Variants in OTULINL observed in about 807,000 individuals in gnomAD.
The protein encoded by OTULINL is inactive ubiquitin thioesterase OTULINL.
OTULINL carries 42 observed loss-of-function variants against 43.9 expected under a neutral mutation model. That is an observed-to-expected ratio of 0.96 (90% CI 0.75 to 1.24). OTULINL has a LOEUF of 1.24. Among genes scored for constraint, OTULINL ranks in the 50% most tolerant of loss-of-function variants. The pLI, the probability that OTULINL is intolerant of heterozygous loss-of-function variation, is 0.00. For missense variants in OTULINL, 411 were observed against 426.4 expected (o/e 0.96, Z 0.32); for synonymous variants, 172 against 153.6 (o/e 1.12, Z -0.88).
At chr5:14,590,898 GAAAGAGTTTTACATTGT>G (rs1308700578) in intron 1 of OTULINL, among the ~76,000 whole-genome samples, 5 of 152,182 alleles carry the variant, frequency 3.3e-5, no homozygotes, top group Non-Finnish European at 7.3e-5. Flanking sequence ...AAAAGCCATG[GAAAGAGTTTTACATTGT>G]AAAGAGTTTT....
intron 1 of OTULINL, among the ~76,000 whole-genome samples, chr5:14,593,020 C>T (rs980285939): frequency 1.3e-5 from 2 of 152,160 alleles, no homozygotes; most frequent in African/African-American, 4.8e-5. Context: ...TCCTCTGGAG[C>T]GTTGCCTCAG....
chr5:14,613,678 C>T lies in OTULINL; in HGVS notation c.*3364C>T, dbSNP rs1205317898. Among the ~76,000 whole-genome samples, 1 of 152,148 alleles carries T rather than the reference C, an allele frequency of 6.6e-6. No homozygotes were observed. The highest frequency in any genetic ancestry group is 1.5e-5 in the Non-Finnish European group (1 of 68,018). On this transcript the variant is annotated 3_prime_UTR_variant, in exon 8 of 8. Transcript: ENST00000274217. ...AGAGCCACCCTGGTGAGTTGAATTT[C>T]TTGAATGTCTTCATGGTCTTGAACC...
At chr5:14,606,627 A>G (rs781287259) in intron 5 of OTULINL, among the ~76,000 whole-genome samples, 24 of 152,350 alleles carry the variant, frequency 1.6e-4, no homozygotes, top group South Asian at 1.2e-3. Flanking sequence ...ATGCCGGTTA[A>G]GTAATCTCTC....
At chr5:14,607,190 A>G (rs1197880397) in intron 5 of OTULINL, 140 bp from the exon 6 acceptor site, 10 of 884,014 alleles carry the variant, frequency 1.1e-5, no homozygotes, top group Non-Finnish European at 1.5e-5. Context: ...AGATCACGCC[A>G]CTGCACTCCA....
chr5:14,584,923 G>T (rs914701171), intron 1 of OTULINL, among the ~76,000 whole-genome samples: 7 of 152,204 alleles, frequency 4.6e-5, no homozygotes, highest in Non-Finnish European at 7.3e-5. Context: ...AGGCAGGCAG[G>T]TGAATTTACC....
intron 5 of OTULINL, among the ~76,000 whole-genome samples, chr5:14,602,574 C>T (rs2126781432): frequency 6.6e-6 from 1 of 152,106 alleles, no homozygotes; most frequent in African/African-American, 2.4e-5. Flanking sequence ...TAGCTGGGAC[C>T]ACAGGTGCAT....
At chr5:14,600,781 G>A (rs958968238) in intron 1 of OTULINL, among the ~76,000 whole-genome samples, 184 bp from the exon 2 acceptor site, 6 of 152,002 alleles carry the variant, frequency 3.9e-5, no homozygotes, top group Non-Finnish European at 7.4e-5. Context: ...GAACCATAAA[G>A]AAATTAAAAA....
intron 5 of OTULINL, among the ~76,000 whole-genome samples, chr5:14,604,510 C>T (rs1191625279): frequency 6.6e-6 from 1 of 152,158 alleles, no homozygotes; most frequent in African/African-American, 2.4e-5. Flanking sequence ...CAAAAGTTCA[C>T]AGTACAAAGT....
In OTULINL at chr5:14,597,938, T is replaced by TG. The variant is rs1353080922; in HGVS notation, c.65-3023dup. ...ATATCACAATCTCTTGGATTGTAGG[T>TG]GGGGTTGAGATTTGAGGGTAAGGGC... On this transcript the variant is annotated intron_variant, in intron 1 of 7. Coordinates refer to ENST00000274217, the MANE Select transcript of OTULINL (RefSeq NM_019018.3). Among the ~76,000 whole-genome samples, 23 of 152,076 alleles carry TG rather than the reference T, an allele frequency of 1.5e-4. No homozygotes were observed. The South Asian group carries it at 3.9e-3, about 26-fold the overall frequency.
chr5:14,603,633 A>G (rs1397193232), intron 5 of OTULINL, among the ~76,000 whole-genome samples: 1 of 152,118 alleles, frequency 6.6e-6, no homozygotes, highest in Admixed American at 6.5e-5. Flanking sequence ...TTCTTGGAGA[A>G]ATGGCTATTC....
At chr5:14,602,081 C>T in intron 4 of OTULINL, 102 bp from the exon 5 acceptor site, 1 of 808,914 alleles carries the variant, frequency 1.2e-6, no homozygotes, top group Non-Finnish European at 1.8e-6. Flanking sequence ...TTTCTGTTGT[C>T]CACTTTAGTT....
At chr5:14,583,816 A>G (rs1413314490) in intron 1 of OTULINL, among the ~76,000 whole-genome samples, 1 of 152,226 alleles carries the variant, frequency 6.6e-6, no homozygotes, top group African/African-American at 2.4e-5. Context: ...TATAGGGACA[A>G]CTTTTTTAGC....
At position 14,614,011 on chromosome 5, in the gene OTULINL, G is replaced by A. The variant is rs1051363795; in HGVS notation, c.*3697G>A. Among the ~76,000 whole-genome samples the A allele has an allele frequency of 1.6e-4, 25 of 152,256 alleles. No individual in the cohort carries two copies. Among genetic ancestry groups the A allele is most frequent in the East Asian group, 3.9e-4 (2 of 5,188 alleles). ...ATGTTGGAATTCCACATCAAAGTAC[G>A]TAACTGTTTTAAACTGATAACTAAC... On this transcript the variant is annotated 3_prime_UTR_variant, in exon 8 of 8. Coordinates refer to ENST00000274217, the MANE Select transcript of OTULINL (RefSeq NM_019018.3).
rs1480686620 is a variant in OTULINL, at chr5:14,614,044, G to T, written c.*3730G>T. 6.6e-6 allele frequency among the ~76,000 whole-genome samples: 1 copy of T among 152,128 alleles called. No homozygotes were observed. Among genetic ancestry groups the T allele is most frequent in the Admixed American group, 6.5e-5 (1 of 15,272 alleles). On this transcript the variant is annotated 3_prime_UTR_variant, in exon 8 of 8. Transcript: ENST00000274217. ...TTTAAACTGATAACTAACCCAATATGTGAAAATATATGCAAGCATGAATAA... is the reference window on the plus strand; with the variant it reads ...TTTAAACTGATAACTAACCCAATATTTGAAAATATATGCAAGCATGAATAA...
chr5:14,601,406 G>T lies in OTULINL; in HGVS notation c.312G>T (p.Trp104Cys). 6.2e-7 allele frequency: 1 copy of T among 1,614,220 alleles called. No individual in the cohort carries two copies. The highest frequency in any genetic ancestry group is 1.3e-5 in the African/African-American group (1 of 75,054). ...VDLLSYCARE[W>C]KGETPRNKLM... ...TACTCAGTTATTGTGCAAGAGAATG[G>T]AAAGGAGAGACACCCCGTAACAAGC... Residue 104 changes from tryptophan (W) to cysteine (C), a missense_variant, in exon 4 of 8, where the codon TGG becomes TGT. Trp to Cys is a radical substitution (Grantham distance 215, BLOSUM62 -2). Coordinates refer to ENST00000274217, the MANE Select transcript of OTULINL (RefSeq NM_019018.3).
At chr5:14,605,356 C>T (rs1283321969) in intron 5 of OTULINL, among the ~76,000 whole-genome samples, 1 of 115,056 alleles carries the variant, frequency 8.7e-6, no homozygotes, top group East Asian at 3.0e-4. Context: ...GGACCTGGCC[C>T]ATGGAACTGC....
At chr5:14,584,448 GTTTGT>G (rs1759070720) in intron 1 of OTULINL, among the ~76,000 whole-genome samples, 1 of 152,148 alleles carries the variant, frequency 6.6e-6, no homozygotes, top group African/African-American at 2.4e-5. Flanking sequence ...ATACTTTTAT[GTTTGT>G]TTTGTTGTTT....
intron 1 of OTULINL, among the ~76,000 whole-genome samples, chr5:14,592,677 T>G (rs1301014219): frequency 4.6e-5 from 7 of 152,188 alleles, no homozygotes; most frequent in Non-Finnish European, 1.0e-4. Context: ...GCCCAAAGCA[T>G]TCTGCAATCC....
At chr5:14,582,375 T>G (rs1759020678) in intron 1 of OTULINL, among the ~76,000 whole-genome samples, 2 of 151,764 alleles carry the variant, frequency 1.3e-5, no homozygotes, top group African/African-American at 4.8e-5. Context: ...CCCCGTGTCC[T>G]CTCGGGGAGC....
Sources: gnomAD v4.1 joint callset for allele counts (sites outside exome capture counted in the v4.1 genomes callset) on GRCh38, gnomAD v4.1.1 for gene constraint, MANE v1.5 for transcripts, NCBI Gene and HGNC (gene_info 2026-07-23, HGNC 2026-07-21) for gene names.